Variants in AP1G2 observed in about 807,000 individuals in gnomAD.
AP1G2 encodes the protein AP-1 complex subunit gamma-like 2.
In AP1G2, 85 loss-of-function variants were observed where a neutral mutation model predicts 95.8. The observed-to-expected ratio is 0.89, with a 90% CI of 0.74 to 1.06. AP1G2 has a LOEUF of 1.06. AP1G2 is among the 50% of genes least tolerant of loss of function. AP1G2 has a pLI of 0.00. For synonymous variants in AP1G2, 378 were observed against 400.0 expected (o/e 0.94, Z 0.66); for missense variants, 967 against 1,005.8 (o/e 0.96, Z 0.52).
Position 23,561,423 on chromosome 14 carries a change from C to T in AP1G2, c.1866G>A (p.Gln622=), listed in dbSNP as rs1453588626. Residue 622 remains glutamine (Q), a synonymous_variant, in exon 19 of 22, where the codon CAG becomes CAA. Coordinates refer to ENST00000397120, the MANE Select transcript of AP1G2 (RefSeq NM_003917.5). ...APVPTEPQAS[Q]LLDLLDLLDG... ...CCAGGAGATCTAGCAGATCCAGGAG[C>T]TGTGAGGCCTGGCAGAAGGGACAGA... 3.1e-6 allele frequency: 5 copies of T among 1,610,378 alleles called. No individual in the cohort carries two copies. The Admixed American group carries it at 8.4e-5, about 27-fold the overall frequency.
chr14:23,564,098 G>A lies in AP1G2; in HGVS notation c.1039C>T (p.His347Tyr), dbSNP rs777318047. Residue 347 changes from histidine to tyrosine, a missense_variant, in exon 11 of 22, where the codon CAT becomes TAT. Transcript: ENST00000397120. Reference protein sequence around the residue: ...VQSDHSAVQRHRPTVVECLRE... With the variant: ...VQSDHSAVQRYRPTVVECLRE... ...AGACATTCCACCACAGTGGGCCGAT[G>A]CCGCTGCACAGCACTGTGATCAGAC... 1 of 1,614,224 alleles carries A rather than the reference G, an allele frequency of 6.2e-7. No individual in the cohort carries two copies. Among genetic ancestry groups the A allele is most frequent in the Non-Finnish European group, 8.5e-7 (1 of 1,180,040 alleles).
Position 23,566,620 on chromosome 14 carries a change from T to C in AP1G2, c.271A>G (p.Met91Val). 6.2e-7 allele frequency: 1 copy of C among 1,614,182 alleles called. No homozygotes were observed. The highest frequency in any genetic ancestry group is 8.5e-7 in the Non-Finnish European group (1 of 1,180,022). Residue 91 changes from methionine (M) to valine (V), a missense_variant, in exon 3 of 22, where the codon ATG becomes GTG. Coordinates refer to ENST00000397120, the MANE Select transcript of AP1G2 (RefSeq NM_003917.5). Reference sequence around the variant, plus strand: ...TCGTGCCTCTCATCCAATAGAAGCATGGCCCCCAGGTAGCCCACCCTCTTG... The same window carrying C: ...TCGTGCCTCTCATCCAATAGAAGCACGGCCCCCAGGTAGCCCACCCTCTTG... ...TDKRVGYLGA[M>V]LLLDERHDAH...
intron 20 of AP1G2, 64 bp from the exon 21 acceptor site, chr14:23,560,100 A>G: frequency 1.4e-6 from 2 of 1,417,646 alleles, no homozygotes. Flanking sequence ...GCCCCTCTAT[A>G]CTCAGTGGCT....
In AP1G2 at chr14:23,559,569, G is replaced by A; in HGVS notation, c.*180C>T. ...TCCACTTCAAATATACCCAAATATG[G>A]CTTTCCTCACTTCTCAGGCTTTATT... On this transcript the variant is annotated 3_prime_UTR_variant, in exon 22 of 22. Transcript: ENST00000397120. 1.6e-6 allele frequency: 1 copy of A among 608,030 alleles called. No homozygotes were observed. Among genetic ancestry groups the A allele is most frequent in the Non-Finnish European group, 3.0e-6 (1 of 338,650 alleles). The allele number at this position is 608,030 out of a possible 1,614,324, so 37.7% of individuals were successfully genotyped here.
Position 23,563,713 on chromosome 14 carries a change from C to T in AP1G2, c.1232+3G>A. On this transcript the variant is annotated splice_donor_region_variant and intron_variant, in intron 12 of 21. Coordinates refer to ENST00000397120, the MANE Select transcript of AP1G2 (RefSeq NM_003917.5). ...TACCCTCTTCGACTCCTGGGCACCT[C>T]ACCTCTCTGCAGCCAGCAGGATGCC... The T allele has an allele frequency of 6.2e-7, 1 of 1,614,164 alleles. No individual in the cohort carries two copies. The highest frequency in any genetic ancestry group is 8.5e-7 in the Non-Finnish European group (1 of 1,179,984).
chr14:23,561,001 G>T, intron 19 of AP1G2: 1 of 826,814 alleles, frequency 1.2e-6, no homozygotes, highest in Non-Finnish European at 1.5e-6. Context: ...AACATGAAAT[G>T]CCAAGGGTGG....
Position 23,562,011 on chromosome 14 carries a change from G to T in AP1G2, c.1684C>A (p.Gln562Lys). 6.2e-7 allele frequency: 1 copy of T among 1,613,660 alleles called. No individual in the cohort carries two copies. ...YGSCLDVELQ[Q>K]RAVEYDTLFR... ...AGTGTGTCATACTCCACAGCCCGCT[G>T]CTGCAGCTCCACGTCCAAGCAGCTC... The change falls in exon 17 of 22, where the codon CAG (glutamine) becomes AAG (lysine). Residue 562 changes from glutamine (Q) to lysine (K), a missense_variant. Coordinates refer to ENST00000397120, the MANE Select transcript of AP1G2 (RefSeq NM_003917.5).
intron 19 of AP1G2, 96 bp from the exon 20 acceptor site, chr14:23,560,514 T>A: frequency 3.9e-6 from 5 of 1,290,910 alleles, no homozygotes; most frequent in Non-Finnish European, 5.3e-6. Flanking sequence ...CTACTGGCCC[T>A]GCACTACTCG....
intron 16 of AP1G2, 40 bp from the exon 17 acceptor site, chr14:23,562,106 C>T (rs948473619): frequency 6.2e-7 from 1 of 1,607,110 alleles, no homozygotes; most frequent in African/African-American, 1.3e-5. Flanking sequence ...GGCAGTGTGC[C>T]ACTGCAGGAT....
chr14:23,560,480 A>G (rs574116819), intron 19 of AP1G2, 62 bp from the exon 20 acceptor site: 292 of 1,537,520 alleles, frequency 1.9e-4, no homozygotes, highest in Non-Finnish European at 2.4e-4. Context: ...TTGTTCATTC[A>G]TTCAACAAAA....
chr14:23,561,277 TC>T lies in AP1G2; in HGVS notation c.1993+18del. The T allele has an allele frequency of 2.0e-6, 3 of 1,520,922 alleles. No individual in the cohort carries two copies. Among genetic ancestry groups the T allele is most frequent in the Non-Finnish European group, 2.6e-6 (3 of 1,136,048 alleles). 94.2% of individuals were successfully genotyped at this position (1,520,922 alleles called of 1,614,324 possible). The stretch of plus-strand genomic sequence containing the variant: ...TCCACCTACCTTCTCTAAGACATCT[TC>T]CCTTTGCTTAGGCTTACCTGGGGGT... On this transcript the variant is annotated intron_variant, in intron 19 of 21. Transcript: ENST00000397120.
At chr14:23,566,881 A>T in intron 2 of AP1G2, 195 bp from the exon 3 acceptor site, 1 of 925,014 alleles carries the variant, frequency 1.1e-6, no homozygotes, top group Non-Finnish European at 1.6e-6. Flanking sequence ...GGAGGATGGG[A>T]GCGGAGAGGA....
intron 16 of AP1G2, 73 bp downstream of exon 16, chr14:23,562,215 G>T (rs915979081): frequency 2.5e-6 from 4 of 1,602,796 alleles, no homozygotes; most frequent in Non-Finnish European, 3.4e-6. Flanking sequence ...GGGCATGTAT[G>T]CCTGGAAAGA....
In AP1G2 at chr14:23,559,798, A is replaced by G. The variant is rs1316868461; in HGVS notation, c.2309T>C (p.Val770Ala). 1.2e-6 allele frequency: 2 copies of G among 1,614,126 alleles called. No homozygotes were observed. Among genetic ancestry groups the G allele is most frequent in the South Asian group, 2.2e-5 (2 of 91,076 alleles). The change falls in exon 22 of 22, where the codon GTG becomes GCG. Residue 770 changes from valine (V) to alanine (A), a missense_variant. Val to Ala is a moderately conservative substitution (Grantham distance 64). Coordinates refer to ENST00000397120, the MANE Select transcript of AP1G2 (RefSeq NM_003917.5). ...RLTYDHFHQS[V>A]QEIFEVNNLP... Reference sequence around the variant, plus strand: ...GTTGTTCACCTCAAAGATCTCCTGCACCGACTGGTGAAAGTGGTCGTAGGT... The same window carrying G: ...GTTGTTCACCTCAAAGATCTCCTGCGCCGACTGGTGAAAGTGGTCGTAGGT...
In AP1G2 at chr14:23,561,646, G is replaced by A. The variant is rs1884747926; in HGVS notation, c.1734-11C>T. 6.2e-7 allele frequency: 1 copy of A among 1,613,236 alleles called. No homozygotes were observed. On this transcript the variant is annotated splice_polypyrimidine_tract_variant and intron_variant, in intron 17 of 21. Coordinates refer to ENST00000397120, the MANE Select transcript of AP1G2 (RefSeq NM_003917.5). ...TCCAGGATGGCAGCCCTGAGAGGAT[G>A]GAATGCAAGTGTGCCTCTGTGTGGT...
In AP1G2 at chr14:23,565,855, G is replaced by A; in HGVS notation, c.606C>T (p.Leu202=). 6.3e-7 allele frequency: 1 copy of A among 1,575,798 alleles called. No individual in the cohort carries two copies. The highest frequency in any genetic ancestry group is 8.6e-7 in the Non-Finnish European group (1 of 1,161,098). The change falls in exon 6 of 22, where the codon CTC becomes CTT. Residue 202 remains leucine, a synonymous_variant. Coordinates refer to ENST00000397120, the MANE Select transcript of AP1G2 (RefSeq NM_003917.5). ...LLGTITLITE[L]CERSPAALRH... ...TGAGGGCTGCAGGGCTTCGTTCGCA[G>A]AGCTCCGTGATCAGCGTGATGGTGC...
rs1886021191 is a variant in AP1G2 at position 23,563,279 on chromosome 14, T to G, written c.1410+101A>C. The stretch of plus-strand genomic sequence containing the variant: ...GTCTTCTGCACTGTGTAAGCAGCTG[T>G]GACCTTGAGAGAAAAATTGGAATCT... On this transcript the variant is annotated intron_variant, in intron 14 of 21. Coordinates refer to ENST00000397120, the MANE Select transcript of AP1G2 (RefSeq NM_003917.5). 3.3e-6 allele frequency: 5 copies of G among 1,521,254 alleles called. No homozygotes were observed. The Admixed American group carries it at 8.1e-5, about 25-fold the overall frequency. The allele number at this position is 1,521,254 out of a possible 1,614,324, so 94.2% of individuals were successfully genotyped here. A position where few individuals can be genotyped will look rare whatever the true frequency, so the allele number is the denominator to read the frequency against.
Position 23,564,655 on chromosome 14 carries a change from G to A in AP1G2, c.828C>T (p.Ala276=), listed in dbSNP as rs754261185. The A allele has an allele frequency of 1.9e-6, 3 of 1,613,702 alleles. No individual in the cohort carries two copies. The Admixed American group carries it at 5.0e-5, about 27-fold the overall frequency. Residue 276 remains alanine, a synonymous_variant, in exon 9 of 22, where the codon GCC becomes GCT. Transcript: ENST00000397120. The part of the protein sequence containing the change: ...ETMNDLLAQV[A]TNTDTSRNAG... ...CATTTCGGCTGGTGTCCGTGTTAGT[G>A]GCCACCTGAGTGGATGAGAGAGGAG...
rs1328815192 is a variant in AP1G2, at chr14:23,559,974, A to G, written c.2220T>C (p.Pro740=). 1 of 1,613,352 alleles carries G rather than the reference A, an allele frequency of 6.2e-7. No homozygotes were observed. Among genetic ancestry groups the G allele is most frequent in the Non-Finnish European group, 8.5e-7 (1 of 1,179,588 alleles). Residue 740 remains proline, a synonymous_variant, in exon 21 of 22, where the codon CCT becomes CCC. Transcript: ENST00000397120. ...GNTVPARGGL[P]ITQLFRILNP... ...TGAGGATTCTGAAGAGCTGGGTGATAGGAAGGCCACCCCGAGCTGGAACTG... is the reference window on the plus strand; with the variant it reads ...TGAGGATTCTGAAGAGCTGGGTGATGGGAAGGCCACCCCGAGCTGGAACTG...
Sources: allele counts gnomAD v4.1 joint callset, GRCh38; gene constraint gnomAD v4.1.1; transcripts MANE v1.5; gene names NCBI Gene and HGNC (gene_info 2026-07-23, HGNC 2026-07-21).